EDAR: variants seen among roughly 807,000 people sequenced by gnomAD.
The protein encoded by EDAR is ectodysplasin A receptor, also known as tumor necrosis factor receptor superfamily member EDAR.
A neutral mutation model predicts 51.3 loss-of-function variants in EDAR; 38 were observed. The observed-to-expected ratio is 0.74, with a 90% CI of 0.57 to 0.97. The LOEUF (loss-of-function observed/expected upper bound fraction) is 0.97, where lower values mean the gene tolerates loss of function less well. Ranked by LOEUF, EDAR falls within the 50% of genes least tolerant of loss-of-function variation. EDAR has a pLI of 0.00. For synonymous variants in EDAR, 227 were observed against 242.1 expected, an observed-to-expected ratio of 0.94 and a Z score of 0.58; for missense variants, 528 against 595.0, an observed-to-expected ratio of 0.89 and a Z score of 1.17.
At chr2:108,913,229 A>G (rs260626) in intron 5 of EDAR, among the ~76,000 whole-genome samples, 4,019 of 152,044 alleles carry the variant, frequency 0.026, 171 homozygotes, top group African/African-American at 0.09. Context: ...GATTACAGGC[A>G]TGAGCCACCG....
intron 5 of EDAR, among the ~76,000 whole-genome samples, chr2:108,918,596 C>G (rs17037103): frequency 0.02 from 3,011 of 152,266 alleles, 83 homozygotes; most frequent in African/African-American, 0.069. Flanking sequence ...TGAGCGGGGA[C>G]TGGTTCTGCC....
chr2:108,903,810 G>A (rs954007758), intron 11 of EDAR, among the ~76,000 whole-genome samples: 2 of 152,088 alleles, frequency 1.3e-5, no homozygotes, highest in Non-Finnish European at 2.9e-5. Flanking sequence ...AAACTATGTG[G>A]ACTTAGAATG....
At chr2:108,904,779 G>A (rs984035635) in intron 11 of EDAR, among the ~76,000 whole-genome samples, 2 of 152,168 alleles carry the variant, frequency 1.3e-5, no homozygotes, top group African/African-American at 4.8e-5. Context: ...TAGGAATGGA[G>A]AACAGATTAC....
At chr2:108,951,115 G>A (rs927128641) in intron 1 of EDAR, among the ~76,000 whole-genome samples, 1 of 152,336 alleles carries the variant, frequency 6.6e-6, no homozygotes, top group East Asian at 1.9e-4. Context: ...TGCCCTGGGA[G>A]TTTCTCAGCA....
intron 8 of EDAR, 122 bp from the exon 9 acceptor site, chr2:108,910,654 C>T (rs1009914280): frequency 6.1e-5 from 87 of 1,418,310 alleles, no homozygotes; most frequent in Middle Eastern, 3.8e-4. Flanking sequence ...CACCACCCCA[C>T]GGTAAGCACA....
At chr2:108,955,798 G>A (rs1269004282) in intron 1 of EDAR, among the ~76,000 whole-genome samples, 6 of 152,142 alleles carry the variant, frequency 3.9e-5, no homozygotes, top group Admixed American at 1.3e-4. Flanking sequence ...AGGCCGAGGC[G>A]GGCAGACCAC....
At chr2:108,977,304 T>C (rs975563959) in intron 1 of EDAR, among the ~76,000 whole-genome samples, 3 of 152,214 alleles carry the variant, frequency 2.0e-5, no homozygotes, top group Non-Finnish European at 4.4e-5. Flanking sequence ...AGTCTCGCTC[T>C]GTCGCCCAGG....
intron 1 of EDAR, among the ~76,000 whole-genome samples, chr2:108,974,500 G>C (rs1339178107): frequency 2.6e-5 from 4 of 151,908 alleles, no homozygotes; most frequent in Non-Finnish European, 5.9e-5. Context: ...GGGAGGCCAA[G>C]GGGGGTGGAT....
intron 1 of EDAR, among the ~76,000 whole-genome samples, chr2:108,971,866 C>A (rs1056791810): frequency 2.0e-5 from 3 of 152,190 alleles, no homozygotes; most frequent in Non-Finnish European, 2.9e-5. Flanking sequence ...GCAGAAGAGA[C>A]GGTGCAATTA....
chr2:108,916,931 G>A (rs1697039343), intron 5 of EDAR, among the ~76,000 whole-genome samples: 1 of 152,174 alleles, frequency 6.6e-6, no homozygotes, highest in African/African-American at 2.4e-5. Context: ...AGGAGCAGGA[G>A]GACATGGGGA....
intron 11 of EDAR, among the ~76,000 whole-genome samples, chr2:108,905,010 G>A (rs1696774379): frequency 6.6e-6 from 1 of 152,098 alleles, no homozygotes; most frequent in Admixed American, 6.5e-5. Flanking sequence ...ACCACTGCAT[G>A]GTAAGAAGTA....
chr2:108,912,516 T>A (rs1178964348), intron 6 of EDAR, among the ~76,000 whole-genome samples, 162 bp downstream of exon 6: 1 of 152,124 alleles, frequency 6.6e-6, no homozygotes, highest in Non-Finnish European at 1.5e-5. Flanking sequence ...TATAATGACT[T>A]CCTGCACGGG....
intron 1 of EDAR, among the ~76,000 whole-genome samples, chr2:108,949,742 C>T (rs1372056323): frequency 4.6e-5 from 7 of 152,158 alleles, no homozygotes; most frequent in Admixed American, 1.3e-4. Context: ...CATGCATGTC[C>T]TTATTTCTTC....
intron 1 of EDAR, among the ~76,000 whole-genome samples, chr2:108,972,787 C>T (rs571516506): frequency 5.4e-4 from 82 of 152,266 alleles, no homozygotes; most frequent in African/African-American, 1.7e-3. Context: ...GGGTGAGGAC[C>T]GGGGGGCCTC....
chr2:108,987,046 T>C (rs1035262242), intron 1 of EDAR, among the ~76,000 whole-genome samples: 2 of 152,114 alleles, frequency 1.3e-5, no homozygotes, highest in Admixed American at 1.3e-4. Flanking sequence ...CTAGGCAGGC[T>C]AGGAGGAGGG....
At chr2:108,931,795 C>T (rs1697371592) in intron 1 of EDAR, among the ~76,000 whole-genome samples, 1 of 151,888 alleles carries the variant, frequency 6.6e-6, no homozygotes, top group Non-Finnish European at 1.5e-5. Flanking sequence ...AGCAATTTTA[C>T]TTGGTAGTCT....
At chr2:108,946,351 C>T (rs1327941086) in intron 1 of EDAR, among the ~76,000 whole-genome samples, 2 of 152,210 alleles carry the variant, frequency 1.3e-5, no homozygotes, top group African/African-American at 2.4e-5. Context: ...TTGCCCTGTG[C>T]CTGCACACCA....
chr2:108,914,813 T>C (rs1010099925), intron 5 of EDAR, among the ~76,000 whole-genome samples: 1 of 152,200 alleles, frequency 6.6e-6, no homozygotes, highest in African/African-American at 2.4e-5. Flanking sequence ...CAAATCAAGG[T>C]ACCTCCCCAG....
chr2:108,956,979 G>A (rs1280173473), intron 1 of EDAR, among the ~76,000 whole-genome samples: 7 of 152,054 alleles, frequency 4.6e-5, no homozygotes, highest in African/African-American at 7.2e-5. Context: ...TAGTAGAGAC[G>A]GGGTTTCTCC....
Sources: allele counts gnomAD v4.1 joint callset (sites outside exome capture counted in the v4.1 genomes callset), GRCh38; gene constraint gnomAD v4.1.1; transcripts MANE v1.5; gene names NCBI Gene and HGNC (gene_info 2026-07-23, HGNC 2026-07-21).